The following NRP1 variants were observed in gnomAD, a reference collection of about 807,000 sequenced individuals.
NRP1 encodes neuropilin 1, also known as neuropilin-1.
Under a neutral mutation model 106.7 loss-of-function variants are expected in NRP1, and 35 were observed. The observed-to-expected ratio is 0.33, with a 90% CI of 0.25 to 0.43. The LOEUF is 0.43. NRP1 is among the 20% of genes least tolerant of loss of function. The pLI is 1.00. For synonymous variants in NRP1, 437 were observed against 417.9 expected (o/e 1.05, Z -0.56); for missense variants, 1,024 against 1,170.4 (o/e 0.87, Z 1.83).
rs567459680 is a variant in NRP1, at chr10:33,308,736, G to C, written c.248+21972C>G. Among the ~76,000 whole-genome samples the C allele has an allele frequency of 9.2e-5, 14 of 152,194 alleles. 1 individual carries two copies. The highest frequency in any genetic ancestry group is 2.6e-4 in the Admixed American group (4 of 15,274). On this transcript the variant is annotated intron_variant, in intron 2 of 16. Transcript: ENST00000374867. ...ACTCCTGACCTCAAATGATCTGCCT[G>C]ACTTGGCCTCCCAAAGTGCTGGGAT...
At chr10:33,330,032 C>G (rs931264274) in intron 2 of NRP1, among the ~76,000 whole-genome samples, 53 of 152,160 alleles carry the variant, frequency 3.5e-4, no homozygotes, top group African/African-American at 1.2e-3. Flanking sequence ...AAAGAGATAG[C>G]AAGACTAAGC....
At chr10:33,212,937 C>T (rs930006142) in intron 9 of NRP1, 10 of 371,898 alleles carry the variant, frequency 2.7e-5, no homozygotes, top group Non-Finnish European at 4.4e-5. Flanking sequence ...TCCCAAAGTG[C>T]TGGGATTACA....
intron 2 of NRP1, among the ~76,000 whole-genome samples, chr10:33,276,126 C>A (rs780880077): frequency 7.2e-5 from 11 of 152,114 alleles, no homozygotes; most frequent in Non-Finnish European, 1.6e-4. Flanking sequence ...GTTCCTTATT[C>A]ATTTCTGTAT....
At chr10:33,231,634 G>A (rs1275387904) in intron 6 of NRP1, among the ~76,000 whole-genome samples, 1 of 152,134 alleles carries the variant, frequency 6.6e-6, no homozygotes, top group Non-Finnish European at 1.5e-5. Context: ...CTGCTTATCT[G>A]CTAAGTTCTA....
At chr10:33,247,901 C>T (rs1841543041) in intron 6 of NRP1, among the ~76,000 whole-genome samples, 1 of 152,190 alleles carries the variant, frequency 6.6e-6, no homozygotes, top group Admixed American at 6.5e-5. Flanking sequence ...AACCATTTAA[C>T]CCCACTGGGC....
intron 7 of NRP1, among the ~76,000 whole-genome samples, chr10:33,225,797 A>T (rs1031164906): frequency 6.7e-6 from 1 of 149,714 alleles, no homozygotes; most frequent in African/African-American, 2.4e-5. Context: ...TCGAGGGGGG[A>T]AAAACAACAA....
At chr10:33,314,785 T>G (rs1015243948) in intron 2 of NRP1, among the ~76,000 whole-genome samples, 1 of 152,282 alleles carries the variant, frequency 6.6e-6, no homozygotes, top group Admixed American at 6.5e-5. Context: ...GACAGGAGGC[T>G]TGTTATTTTT....
chr10:33,319,822 G>A (rs1171219570), intron 2 of NRP1, among the ~76,000 whole-genome samples: 1 of 150,802 alleles, frequency 6.6e-6, no homozygotes, highest in Non-Finnish European at 1.5e-5. Flanking sequence ...TCCTGACCTC[G>A]TGATTCACCT....
chr10:33,258,901 CA>C lies in NRP1; in HGVS notation c.659-2431del, dbSNP rs762112893. On this transcript the variant is annotated intron_variant, in intron 4 of 16. Coordinates refer to ENST00000374867, the MANE Select transcript of NRP1 (RefSeq NM_003873.7). The stretch of plus-strand genomic sequence containing the variant: ...TAAAAGAAAAGCCTTAGAGTCCACT[CA>C]GACTTCCTCACTATTTTTTCCCTCA... Among the ~76,000 whole-genome samples, 7 of 152,336 alleles carry C rather than the reference CA, an allele frequency of 4.6e-5. 1 individual carries two copies. Among genetic ancestry groups the C allele is most frequent in the Non-Finnish European group, 1.0e-4 (7 of 68,036 alleles).
chr10:33,258,539 C>T (rs1292735083), intron 4 of NRP1, among the ~76,000 whole-genome samples: 1 of 152,188 alleles, frequency 6.6e-6, no homozygotes, highest in Non-Finnish European at 1.5e-5. Flanking sequence ...GGGCATCACG[C>T]TGTCACGGAC....
intron 12 of NRP1, among the ~76,000 whole-genome samples, chr10:33,194,196 T>C (rs549793118): frequency 3.9e-5 from 6 of 152,346 alleles, no homozygotes; most frequent in African/African-American, 1.4e-4. Flanking sequence ...ACTGAATGAT[T>C]GAGCAACCTT....
chr10:33,249,892 T>C (rs1301135002), intron 6 of NRP1, among the ~76,000 whole-genome samples: 1 of 145,286 alleles, frequency 6.9e-6, no homozygotes, highest in African/African-American at 2.4e-5. Flanking sequence ...CAGTTAATGA[T>C]GCATTGTTTT....
chr10:33,265,555 G>A (rs550351722), intron 3 of NRP1, among the ~76,000 whole-genome samples: 1 of 152,244 alleles, frequency 6.6e-6, no homozygotes, highest in Non-Finnish European at 1.5e-5. Flanking sequence ...AATACCAACA[G>A]AGTGCATCTG....
At chr10:33,251,842 T>G in intron 6 of NRP1, among the ~76,000 whole-genome samples, 1 of 152,118 alleles carries the variant, frequency 6.6e-6, no homozygotes, top group East Asian at 1.9e-4. Flanking sequence ...ACTACATTAC[T>G]GATACGGGAG....
intron 2 of NRP1, among the ~76,000 whole-genome samples, chr10:33,277,178 T>C (rs986589547): frequency 2.6e-5 from 4 of 152,002 alleles, no homozygotes; most frequent in African/African-American, 9.7e-5. Context: ...ATGCTTATGA[T>C]ATAATCAGTG....
At chr10:33,260,985 C>CAA (rs35665366) in intron 4 of NRP1, among the ~76,000 whole-genome samples, 19,197 of 60,028 alleles carry the variant, frequency 0.32, 3,739 homozygotes, top group East Asian at 0.6. Context: ...TGCCATTGAC[C>CAA]AAAAAAAAAA....
At chr10:33,181,974 C>T (rs1036827852) in intron 16 of NRP1, among the ~76,000 whole-genome samples, 2 of 152,026 alleles carry the variant, frequency 1.3e-5, no homozygotes, top group African/African-American at 4.8e-5. Flanking sequence ...TGGTGTGGGC[C>T]TGTAGTCTGC....
intron 6 of NRP1, among the ~76,000 whole-genome samples, chr10:33,232,244 T>A (rs980387490): frequency 5.3e-5 from 8 of 152,196 alleles, no homozygotes; most frequent in African/African-American, 1.7e-4. Flanking sequence ...CAATACTTCC[T>A]TTCTTTCCAT....
At chr10:33,213,170 C>A (rs1405628104) in intron 9 of NRP1, 3 of 1,313,068 alleles carry the variant, frequency 2.3e-6, no homozygotes, top group Non-Finnish European at 3.1e-6. Context: ...GGGAATGGGA[C>A]CAGCAATGCA....
Sources: gnomAD v4.1 joint callset for allele counts (sites outside exome capture counted in the v4.1 genomes callset) on GRCh38, gnomAD v4.1.1 for gene constraint, MANE v1.5 for transcripts, NCBI Gene and HGNC (gene_info 2026-07-23, HGNC 2026-07-21) for gene names.